The following ANKRD50 variants were observed in gnomAD, a reference collection of about 807,000 sequenced individuals.
ANKRD50 encodes ankyrin repeat domain-containing protein 50.
A neutral mutation model predicts 112.0 loss-of-function variants in ANKRD50; 40 were observed. The observed-to-expected ratio is 0.36, with a 90% CI of 0.28 to 0.46. ANKRD50 has a LOEUF of 0.46. Ranked by LOEUF, ANKRD50 falls within the 20% of genes least tolerant of loss-of-function variation. ANKRD50 has a pLI of 1.00. For missense variants in ANKRD50, 1,487 were observed against 1,701.7 expected (o/e 0.87, Z 2.22); for synonymous variants, 613 against 619.1 (o/e 0.99, Z 0.15).
In ANKRD50 at chr4:124,672,220, T is replaced by A. The variant is rs188920738; in HGVS notation, c.1057A>T (p.Ile353Phe). 3.7e-6 allele frequency: 6 copies of A among 1,613,822 alleles called. No homozygotes were observed. The East Asian group carries it at 1.3e-4, about 36-fold the overall frequency. Residue 353 changes from isoleucine (I) to phenylalanine (F), a missense_variant, in exon 4 of 5, where the codon ATT (isoleucine) becomes TTT (phenylalanine). Physicochemically the swap from Ile to Phe is conservative, Grantham distance 21. This residue lies in a region of ANKRD50 where 1,046 missense variants were observed against 1,269.5 expected (regional missense o/e 0.82). Transcript: ENST00000504087. ...CAGGCTGCAAGAATCACATTCAAAA[T>A]AGGCTGAACCTTTGCAAATTGTTTT... ...VRKQFAKVQP[I>F]LNVILAACRP...
In ANKRD50 at chr4:124,665,842, G is replaced by GC. The variant is rs1650508449; in HGVS notation, c.*1675dup. On this transcript the variant is annotated 3_prime_UTR_variant, in exon 5 of 5. Coordinates refer to ENST00000504087, the MANE Select transcript of ANKRD50 (RefSeq NM_020337.3). ...GTTTTGCTGACTTTAAAAAATAAAA[G>GC]CAAGAAAAGCCTTACAATAAGATTC... 1 of 152,124 alleles carries GC rather than the reference G, an allele frequency of 6.6e-6. No homozygotes were observed. The highest frequency in any genetic ancestry group is 6.6e-5 in the Admixed American group (1 of 15,204). The allele number at this position is 152,124 out of a possible 1,614,324, so 9.4% of individuals were successfully genotyped here. A position where few individuals can be genotyped will look rare whatever the true frequency, so the allele number is the denominator to read the frequency against.
chr4:124,672,040 C>T lies in ANKRD50; in HGVS notation c.1237G>A (p.Glu413Lys), dbSNP rs754361655. Residue 413 changes from glutamate (E) to lysine (K), a missense_variant, in exon 4 of 5, where the codon GAG (glutamate) becomes AAG (lysine). By Grantham distance (56) the Glu-to-Lys change is moderately conservative. Coordinates refer to ENST00000504087, the MANE Select transcript of ANKRD50 (RefSeq NM_020337.3). ...TKILFHYSFA[E>K]WLLDVKHCTQ... The stretch of plus-strand genomic sequence containing the variant: ...CAGTGTTTCACATCCAGAAGCCACT[C>T]GGCAAAACTATAATGAAACAGTATT... The T allele has an allele frequency of 5.6e-6, 9 of 1,613,744 alleles. No individual in the cohort carries two copies. Among genetic ancestry groups the T allele is most frequent in the South Asian group, 2.2e-5 (2 of 91,076 alleles).
chr4:124,690,056 T>G (rs1443361154), intron 2 of ANKRD50, among the ~76,000 whole-genome samples: 2 of 152,192 alleles, frequency 1.3e-5, no homozygotes, highest in African/African-American at 4.8e-5. Context: ...GTATGATTTT[T>G]TTTGGTTTGG....
At chr4:124,687,410 T>C (rs1725032219) in intron 2 of ANKRD50, among the ~76,000 whole-genome samples, 1 of 152,044 alleles carries the variant, frequency 6.6e-6, no homozygotes, top group Non-Finnish European at 1.5e-5. Flanking sequence ...TAAACTTAAG[T>C]GTAAAACATA....
At chr4:124,693,345 T>C (rs147908405) in intron 2 of ANKRD50, among the ~76,000 whole-genome samples, 2 of 152,282 alleles carry the variant, frequency 1.3e-5, no homozygotes, top group African/African-American at 4.8e-5. Flanking sequence ...AATTCTTTAC[T>C]AAAAATCACT....
intron 2 of ANKRD50, among the ~76,000 whole-genome samples, chr4:124,682,351 A>AAC (rs1724909923): frequency 7.0e-6 from 1 of 143,562 alleles, no homozygotes; most frequent in African/African-American, 2.6e-5. Context: ...AAAAAAAAAA[A>AAC]GAATGCACAT....
Position 124,669,816 on chromosome 4 carries a change from G to A in ANKRD50, c.3461C>T (p.Pro1154Leu). ...ACTAAAAGCATGAGTAGGCCCATTA[G>A]GTAAACCACGTAACGAAGGCTGCAT... ...GDMQPSLRGL[P>L]NGPTHAFSSP... Residue 1154 changes from proline (P) to leucine (L), a missense_variant, in exon 4 of 5, where the codon CCT becomes CTT. Physicochemically the swap from Pro to Leu is moderately conservative, Grantham distance 98. Around this residue, in one of 2 missense-constraint regions of ANKRD50, gnomAD observed 441 missense variants for 432.2 expected, o/e 1.02. Coordinates refer to ENST00000504087, the MANE Select transcript of ANKRD50 (RefSeq NM_020337.3). 6.2e-7 allele frequency: 1 copy of A among 1,612,918 alleles called. No homozygotes were observed. Among genetic ancestry groups the A allele is most frequent in the African/African-American group, 1.3e-5 (1 of 74,880 alleles).
chr4:124,699,881 T>C (rs1032548265), intron 2 of ANKRD50, among the ~76,000 whole-genome samples: 2 of 151,950 alleles, frequency 1.3e-5, no homozygotes, highest in African/African-American at 2.4e-5. Context: ...AATATAAATA[T>C]TCATTAATTC....
intron 3 of ANKRD50, among the ~76,000 whole-genome samples, chr4:124,677,372 A>G (rs2110512105): frequency 6.6e-6 from 1 of 152,010 alleles, no homozygotes; most frequent in South Asian, 2.1e-4. Flanking sequence ...AAAACTGAAA[A>G]TGATCTAAAT....
chr4:124,709,843 GATATTCAAAGTAAACAGGT>G (rs2110531192), intron 2 of ANKRD50, among the ~76,000 whole-genome samples, 138 bp downstream of exon 2: 1 of 152,136 alleles, frequency 6.6e-6, no homozygotes, highest in South Asian at 2.1e-4. Flanking sequence ...TACTTCCTTT[GATATTCAAAGTAAACAGGT>G]ATACTCATAA....
Position 124,671,547 on chromosome 4 carries a change from T to C in ANKRD50, c.1730A>G (p.His577Arg), listed in dbSNP as rs529341044. Residue 577 changes from histidine to arginine, a missense_variant, in exon 4 of 5, where the codon CAT (histidine) becomes CGT (arginine). Transcript: ENST00000504087. ...CGCTAGAGTGAGTGGTGTATGTCCA[T>C]GAGCATCTTCTATCTCTAAATCTGC... ...RGADLEIEDA[H>R]GHTPLTLAAR... 2.7e-5 allele frequency: 43 copies of C among 1,613,826 alleles called. No homozygotes were observed. The East Asian group carries it at 8.7e-4, about 33-fold the overall frequency.
chr4:124,673,326 T>G (rs552013214), intron 3 of ANKRD50, among the ~76,000 whole-genome samples: 2 of 152,242 alleles, frequency 1.3e-5, no homozygotes, highest in South Asian at 4.1e-4. Flanking sequence ...GTATTCATCT[T>G]ACAGAACAAA....
At position 124,666,559 on chromosome 4, in the gene ANKRD50, A is replaced by G. The variant is rs1395298672; in HGVS notation, c.*959T>C. ...AGAAACCGCTGAGAGAGAAGCCAGC[A>G]AAATTAATTTATTTAGCCAGGAGGA... is the stretch of plus-strand genomic sequence containing the variant. On this transcript the variant is annotated 3_prime_UTR_variant, in exon 5 of 5. Transcript: ENST00000504087. 3 of 152,246 alleles carry G rather than the reference A, an allele frequency of 2.0e-5. No individual in the cohort carries two copies. The East Asian group carries it at 5.8e-4, about 29-fold the overall frequency. The allele number at this position is 152,246 out of a possible 1,614,324, so 9.4% of individuals were successfully genotyped here. A position where few individuals can be genotyped will look rare whatever the true frequency, so the allele number is the denominator to read the frequency against.
chr4:124,694,021 ATCTTG>A (rs1725196944), intron 2 of ANKRD50, among the ~76,000 whole-genome samples: 1 of 152,214 alleles, frequency 6.6e-6, no homozygotes, highest in Non-Finnish European at 1.5e-5. Context: ...TACCCAATAT[ATCTTG>A]TCTTATTTTG....
intron 4 of ANKRD50, 140 bp downstream of exon 4, chr4:124,668,844 G>T: frequency 1.5e-6 from 1 of 687,708 alleles, no homozygotes; most frequent in Non-Finnish European, 2.4e-6. Flanking sequence ...GATGTAAAGG[G>T]GTGATGAGGC....
At chr4:124,676,492 G>C (rs1267812606) in intron 3 of ANKRD50, among the ~76,000 whole-genome samples, 1 of 151,392 alleles carries the variant, frequency 6.6e-6, no homozygotes, top group African/African-American at 2.4e-5. Flanking sequence ...TAGAGTAATA[G>C]TACACAGACA....
At position 124,678,917 on chromosome 4, in the gene ANKRD50, A is replaced by G; in HGVS notation, c.513-12T>C. 1 of 1,561,526 alleles carries G rather than the reference A, an allele frequency of 6.4e-7. No homozygotes were observed. Among genetic ancestry groups the G allele is most frequent in the Non-Finnish European group, 8.8e-7 (1 of 1,134,536 alleles). ...GGAGTAGAACACACCTGTAAAACAC[A>G]TACACATGAGCATTTTGAATGTTAA... On this transcript the variant is annotated splice_polypyrimidine_tract_variant and intron_variant, in intron 2 of 4. Coordinates refer to ENST00000504087, the MANE Select transcript of ANKRD50 (RefSeq NM_020337.3).
rs144799197 is a variant in ANKRD50 at position 124,693,307 on chromosome 4, T to C, written c.513-14402A>G. On this transcript the variant is annotated intron_variant, in intron 2 of 4. Coordinates refer to ENST00000504087, the MANE Select transcript of ANKRD50 (RefSeq NM_020337.3). ...TTTTCAAATTTCACTTTCCTGAGGG[T>C]ATTAAACAGTCCTGTTTGTTTGCTA... is the stretch of plus-strand genomic sequence containing the variant. Among the ~76,000 whole-genome samples, 59 of 152,316 alleles carry C rather than the reference T, an allele frequency of 3.9e-4. No homozygotes were observed. In the East Asian group the frequency reaches 7.7e-3, roughly 20 times the overall value.
intron 2 of ANKRD50, among the ~76,000 whole-genome samples, chr4:124,691,075 G>A (rs1270064925): frequency 1.3e-5 from 2 of 152,170 alleles, no homozygotes; most frequent in African/African-American, 4.8e-5. Flanking sequence ...AAAGGACAAG[G>A]ATAGAAAGAA....
Sources: allele counts gnomAD v4.1 joint callset (sites outside exome capture counted in the v4.1 genomes callset), GRCh38; gene constraint gnomAD v4.1.1; regional missense constraint gnomAD v4.1.1; transcripts MANE v1.5; gene names NCBI Gene and HGNC (gene_info 2026-07-23, HGNC 2026-07-21).